IGSF9B: variants seen among roughly 807,000 people sequenced by gnomAD.
IGSF9B encodes the protein immunoglobulin superfamily member 9B, also known as protein turtle homolog B.
Under a neutral mutation model 143.7 loss-of-function variants are expected in IGSF9B, and 48 were observed. That is an observed-to-expected ratio of 0.33 (90% confidence interval 0.26 to 0.42). IGSF9B has a LOEUF of 0.42. IGSF9B is among the 20% of genes least tolerant of loss of function. The pLI, the probability that IGSF9B is intolerant of heterozygous loss-of-function variation, is 1.00. For synonymous variants in IGSF9B, 903 were observed against 833.1 expected, an observed-to-expected ratio of 1.08 and a Z score of -1.44; for missense variants, 1,706 against 1,980.0, an observed-to-expected ratio of 0.86 and a Z score of 2.63.
rs546570473 is a variant in IGSF9B at position 133,920,855 on chromosome 11, G to C, written c.2870C>G (p.Ala957Gly). 1.2e-6 allele frequency: 2 copies of C among 1,601,374 alleles called. No homozygotes were observed. The change falls in exon 18 of 20, where the codon GCC (alanine) becomes GGC (glycine). Residue 957 changes from alanine to glycine, a missense_variant. Ala to Gly is a moderately conservative substitution (Grantham distance 60). Around this residue, in one of 7 missense-constraint regions of IGSF9B, gnomAD observed 880 missense variants for 762.9 expected, o/e 1.15. Coordinates refer to ENST00000533871, the MANE Select transcript of IGSF9B (RefSeq NM_001277285.4). Reference protein sequence around the residue: ...LQATGQARPPAPRPFHHGQYY... With the variant: ...LQATGQARPPGPRPFHHGQYY... ...CTGGCCATGGTGGAAGGGCCGGGGGGCAGGGGGCCGGGCCTGGCCTGTGGC... is the reference window on the plus strand; with the variant it reads ...CTGGCCATGGTGGAAGGGCCGGGGGCCAGGGGGCCGGGCCTGGCCTGTGGC...
At chr11:133,919,653 G>C in intron 18 of IGSF9B, 89 bp downstream of exon 18, 2 of 863,544 alleles carry the variant, frequency 2.3e-6, no homozygotes, top group Non-Finnish European at 3.3e-6. Flanking sequence ...CCCTGTCGCC[G>C]GGCGGATGGA....
rs1229687788 is a variant in IGSF9B, at chr11:133,902,636, G to C, written c.*6433C>G. ...AAAGAAACACTGGACTAGACAGCTG[G>C]CTGGGGGTTAGAGACCAGGGGGACA... On this transcript the variant is annotated 3_prime_UTR_variant, in exon 20 of 20. Coordinates refer to ENST00000533871, the MANE Select transcript of IGSF9B (RefSeq NM_001277285.4). Among the ~76,000 whole-genome samples the C allele has an allele frequency of 6.7e-6, 1 of 148,502 alleles. No homozygotes were observed. The highest frequency in any genetic ancestry group is 1.5e-5 in the Non-Finnish European group (1 of 66,676).
chr11:133,918,818 G>C (rs939342685), intron 18 of IGSF9B, among the ~76,000 whole-genome samples: 2 of 134,088 alleles, frequency 1.5e-5, no homozygotes, highest in African/African-American at 5.0e-5. Context: ...GAGAGAGAGA[G>C]AGAAGAGGGC....
intron 18 of IGSF9B, among the ~76,000 whole-genome samples, chr11:133,919,264 G>C (rs948992275): frequency 6.6e-6 from 1 of 152,128 alleles, no homozygotes; most frequent in East Asian, 1.9e-4. Flanking sequence ...GGAGGCCCCT[G>C]GCCTGGTGGT....
rs1159497981 is a variant in IGSF9B at position 133,905,137 on chromosome 11, C to G, written c.*3932G>C. Among the ~76,000 whole-genome samples the G allele has an allele frequency of 1.3e-5, 2 of 151,956 alleles. No individual in the cohort carries two copies. Among genetic ancestry groups the G allele is most frequent in the South Asian group, 2.1e-4 (1 of 4,812 alleles). On this transcript the variant is annotated 3_prime_UTR_variant, in exon 20 of 20. Coordinates refer to ENST00000533871, the MANE Select transcript of IGSF9B (RefSeq NM_001277285.4). The surrounding 1 kb of genome is among the most constrained non-coding windows in gnomAD (Gnocchi z 4.0). Reference sequence around the variant, plus strand: ...CATCCCTGCAGTGCCCCCAAAGCTCCTTTACATGCAAGCAAAGCAAGCCCA... The same window carrying G: ...CATCCCTGCAGTGCCCCCAAAGCTCGTTTACATGCAAGCAAAGCAAGCCCA...
intron 18 of IGSF9B, among the ~76,000 whole-genome samples, chr11:133,912,536 T>G (rs1240415524): frequency 6.6e-6 from 1 of 152,160 alleles, no homozygotes; most frequent in African/African-American, 2.4e-5. Context: ...CTTGCCAGCT[T>G]CTTCTGCAGC....
chr11:133,952,428 A>C (rs1940177632), intron 1 of IGSF9B, among the ~76,000 whole-genome samples: 1 of 152,306 alleles, frequency 6.6e-6, no homozygotes, highest in East Asian at 1.9e-4. Flanking sequence ...TATGAAGGCA[A>C]GAAGTTGGCT....
At chr11:133,915,893 T>C (rs1939371630) in intron 18 of IGSF9B, among the ~76,000 whole-genome samples, 1 of 152,128 alleles carries the variant, frequency 6.6e-6, no homozygotes, top group Non-Finnish European at 1.5e-5. Context: ...AGACGGGCCA[T>C]AGCAAGGGAA....
At position 133,907,833 on chromosome 11, in the gene IGSF9B, G is replaced by C. The variant is rs1461752418; in HGVS notation, c.*1236C>G. ...CCAGAGGCGCCCTAGCTTCACCTGA[G>C]CTCATCCCCCTGCAGCTCAGGTCCA... is the stretch of plus-strand genomic sequence containing the variant. On this transcript the variant is annotated 3_prime_UTR_variant, in exon 20 of 20. Coordinates refer to ENST00000533871, the MANE Select transcript of IGSF9B (RefSeq NM_001277285.4). 1.3e-5 allele frequency among the ~76,000 whole-genome samples: 2 copies of C among 152,210 alleles called. No homozygotes were observed. Among genetic ancestry groups the C allele is most frequent in the African/African-American group, 4.8e-5 (2 of 41,466 alleles).
chr11:133,910,709 TG>T (rs1164031029), intron 19 of IGSF9B, among the ~76,000 whole-genome samples: 1 of 152,136 alleles, frequency 6.6e-6, no homozygotes, highest in African/African-American at 2.4e-5. Context: ...GACAGACATT[TG>T]GAAGATGCCA....
At chr11:133,922,485 C>G in intron 16 of IGSF9B, 84 bp downstream of exon 16, 1 of 1,329,658 alleles carries the variant, frequency 7.5e-7, no homozygotes, top group Admixed American at 2.0e-5. Flanking sequence ...CCAAGGGGGG[C>G]CATGCTAAAA....
Position 133,937,861 on chromosome 11 carries a change from A to G in IGSF9B, c.510T>C (p.Ile170=), listed in dbSNP as rs1376585062. 1 of 1,611,652 alleles carries G rather than the reference A, an allele frequency of 6.2e-7. No homozygotes were observed. The highest frequency in any genetic ancestry group is 1.1e-5 in the South Asian group (1 of 90,390). ...TCTAFGNPKP[I]VTWLKEGTLL... The stretch of plus-strand genomic sequence containing the variant: ...GCGTCCCCTCCTTGAGCCAGGTGAC[A>G]ATGGGCTTGGGGTTCCCAAAAGCTG... Residue 170 remains isoleucine (I), a synonymous_variant, in exon 4 of 20, where the codon ATT becomes ATC. Coordinates refer to ENST00000533871, the MANE Select transcript of IGSF9B (RefSeq NM_001277285.4).
intron 3 of IGSF9B, among the ~76,000 whole-genome samples, chr11:133,942,422 T>A (rs892820338): frequency 6.6e-6 from 1 of 152,086 alleles, no homozygotes; most frequent in Non-Finnish European, 1.5e-5. Context: ...TCAAAGCAAT[T>A]AGGAATTCCC....
chr11:133,908,835 AG>A lies in IGSF9B; in HGVS notation c.*233del. 1 of 512,224 alleles carries A rather than the reference AG, an allele frequency of 2.0e-6. No homozygotes were observed. The highest frequency in any genetic ancestry group is 3.0e-5 in the South Asian group (1 of 32,820). 31.7% of individuals were successfully genotyped at this position (512,224 alleles called of 1,614,324 possible). ...GGAGGGGAGGAGACAGGTGTTGCCC[AG>A]TCTCCAATCCACTTCCTGACCTCGA... On this transcript the variant is annotated 3_prime_UTR_variant, in exon 20 of 20. Transcript: ENST00000533871.
Position 133,907,096 on chromosome 11 carries a change from C to A in IGSF9B, c.*1973G>T, listed in dbSNP as rs958424533. Among the ~76,000 whole-genome samples, 24 of 152,142 alleles carry A rather than the reference C, an allele frequency of 1.6e-4. No individual in the cohort carries two copies. Among genetic ancestry groups the A allele is most frequent in the Admixed American group, 1.5e-3 (23 of 15,284 alleles). ...ATCAACTGGAAGGCCCAGGTTCCAC[C>A]CCAAGGGTGCACGGCCCAGTCTCAG... is the stretch of plus-strand genomic sequence containing the variant. On this transcript the variant is annotated 3_prime_UTR_variant, in exon 20 of 20. Transcript: ENST00000533871.
rs903667114 is a variant in IGSF9B, at chr11:133,928,337, A to C, written c.1632-1246T>G. 2.0e-5 allele frequency among the ~76,000 whole-genome samples: 3 copies of C among 151,800 alleles called. No homozygotes were observed. Among genetic ancestry groups the C allele is most frequent in the Admixed American group, 1.3e-4 (2 of 15,240 alleles). On this transcript the variant is annotated intron_variant, in intron 12 of 19. Coordinates refer to ENST00000533871, the MANE Select transcript of IGSF9B (RefSeq NM_001277285.4). The surrounding 1 kb of genome is among the most constrained non-coding windows in gnomAD (Gnocchi z 4.7). ...AGGGGACGGGAGGTGAGCTGCGGCA[A>C]CTCCCATCATCCAGGTGCAGTTCTC...
Position 133,906,327 on chromosome 11 carries a change from A to G in IGSF9B, c.*2742T>C, listed in dbSNP as rs1939210136. Among the ~76,000 whole-genome samples, 1 of 152,214 alleles carries G rather than the reference A, an allele frequency of 6.6e-6. No individual in the cohort carries two copies. The highest frequency in any genetic ancestry group is 2.4e-5 in the African/African-American group (1 of 41,458). Reference sequence around the variant, plus strand: ...CCACGGAGGGAACTGCGTTCCACCAATCCCATCGCCGTCCACGGGCTGCAG... The same window carrying G: ...CCACGGAGGGAACTGCGTTCCACCAGTCCCATCGCCGTCCACGGGCTGCAG... On this transcript the variant is annotated 3_prime_UTR_variant, in exon 20 of 20. Transcript: ENST00000533871.
Position 133,942,192 on chromosome 11 carries a change from A to G in IGSF9B, c.409+2028T>C, listed in dbSNP as rs1038052176. ...AAGGAGGATGGCCAGCATCTCACAC[A>G]TAATTACCCACATGTAATTAACACT... On this transcript the variant is annotated intron_variant, in intron 3 of 19. Coordinates refer to ENST00000533871, the MANE Select transcript of IGSF9B (RefSeq NM_001277285.4). Among the ~76,000 whole-genome samples the G allele has an allele frequency of 4.6e-5, 7 of 152,136 alleles. 1 individual carries two copies. The highest frequency in any genetic ancestry group is 1.0e-4 in the Non-Finnish European group (7 of 68,042).
At chr11:133,912,639 C>T (rs1346818399) in intron 18 of IGSF9B, among the ~76,000 whole-genome samples, 3 of 152,178 alleles carry the variant, frequency 2.0e-5, no homozygotes, top group South Asian at 2.1e-4. Flanking sequence ...ACCCTGCAGA[C>T]GAGGCTCAGC....
Sources: allele counts gnomAD v4.1 joint callset (sites outside exome capture counted in the v4.1 genomes callset), GRCh38; gene constraint gnomAD v4.1.1; regional missense constraint gnomAD v4.1.1; non-coding constraint Gnocchi (gnomAD v3.1); transcripts MANE v1.5; gene names NCBI Gene and HGNC (gene_info 2026-07-23, HGNC 2026-07-21).